Variants in NBEA observed in about 807,000 individuals in gnomAD.
NBEA encodes the protein neurobeachin.
Under a neutral mutation model 343.4 loss-of-function variants are expected in NBEA, and 44 were observed. The ratio of observed to expected loss-of-function variants is 0.13; its 90% CI spans 0.10 to 0.16. The LOEUF is 0.16. Ranked by LOEUF, NBEA falls within the 10% of genes least tolerant of loss-of-function variation. NBEA has a pLI of 1.00. For synonymous variants in NBEA, 1,175 were observed against 1,238.7 expected (o/e 0.95, Z 1.08); for missense variants, 2,555 against 3,631.3 (o/e 0.70, Z 7.62).
chr13:35,098,916 A>G (rs765778071), intron 11 of NBEA, among the ~76,000 whole-genome samples: 8 of 151,830 alleles, frequency 5.3e-5, no homozygotes, highest in Admixed American at 6.6e-5. Flanking sequence ...TAGCTATCTC[A>G]GTTCTCGGAC....
intron 17 of NBEA, among the ~76,000 whole-genome samples, chr13:35,137,172 C>G (rs749016565): frequency 6.6e-6 from 1 of 151,954 alleles, no homozygotes; most frequent in Admixed American, 6.6e-5. Flanking sequence ...GCCCTTTGGC[C>G]GGGCACGGTG....
At chr13:35,077,866 G>A (rs1464611504) in intron 10 of NBEA, among the ~76,000 whole-genome samples, 1 of 152,070 alleles carries the variant, frequency 6.6e-6, no homozygotes, top group Non-Finnish European at 1.5e-5. Flanking sequence ...AAGGACAAAG[G>A]GTGGAAAATG....
intron 38 of NBEA, among the ~76,000 whole-genome samples, chr13:35,420,907 A>T (rs1452995492): frequency 6.6e-6 from 1 of 151,240 alleles, no homozygotes; most frequent in Non-Finnish European, 1.5e-5. Flanking sequence ...GTCTTTTTAG[A>T]GGTGTGTCAG....
chr13:35,336,088 C>G (rs181319164), intron 36 of NBEA, among the ~76,000 whole-genome samples: 6 of 152,180 alleles, frequency 3.9e-5, no homozygotes, highest in African/African-American at 1.4e-4. Context: ...CAATTATTAG[C>G]TGACCACTAA....
intron 33 of NBEA, among the ~76,000 whole-genome samples, chr13:35,227,834 G>C (rs1593837284): frequency 6.6e-6 from 1 of 151,828 alleles, no homozygotes; most frequent in South Asian, 2.1e-4. Context: ...TGTATGTAGG[G>C]CCCTAAATAA....
chr13:35,001,031 G>A lies in NBEA; in HGVS notation c.295-39902G>A, dbSNP rs79730779. Among the ~76,000 whole-genome samples, 1,474 of 152,044 alleles carry A rather than the reference G, an allele frequency of 9.7e-3. 19 individuals carry two copies. Among genetic ancestry groups the A allele is most frequent in the African/African-American group, 0.034 (1,421 of 41,466 alleles). ...TTCTGAGGTTGAACTTGAACTCCTG[G>A]ACTCAGGTGATCCTCTCATCTCAGC... On this transcript the variant is annotated intron_variant, in intron 1 of 58. Transcript: ENST00000379939.
intron 33 of NBEA, among the ~76,000 whole-genome samples, chr13:35,214,633 C>A (rs773293660): frequency 2.0e-5 from 3 of 151,464 alleles, no homozygotes; most frequent in Non-Finnish European, 4.4e-5. Context: ...TTTTTTGTTC[C>A]ATTTTGTTGT....
intron 47 of NBEA, among the ~76,000 whole-genome samples, chr13:35,599,167 A>G (rs1194693737): frequency 6.6e-6 from 1 of 152,096 alleles, no homozygotes; most frequent in East Asian, 1.9e-4. Context: ...TCCAGACCCC[A>G]CCAGGCTCCT....
rs1418682725 is a variant in NBEA at position 35,667,587 on chromosome 13, C to T, written c.8661+17C>T. ...TCAACACGGGTAAATCTGCATAGTT[C>T]GTGCTAAGTAGGACTGAAGCCAAGA... On this transcript the variant is annotated intron_variant, in intron 57 of 58. Coordinates refer to ENST00000379939, the MANE Select transcript of NBEA (RefSeq NM_001385012.1). 18 of 1,608,208 alleles carry T rather than the reference C, an allele frequency of 1.1e-5. No homozygotes were observed. The highest frequency in any genetic ancestry group is 3.3e-4 in the Middle Eastern group (2 of 6,062).
chr13:35,251,257 T>C, intron 34 of NBEA: 1 of 360,000 alleles, frequency 2.8e-6, no homozygotes, highest in South Asian at 5.4e-5. Context: ...AACCATGCAG[T>C]ATGCCAGTCG....
At chr13:35,523,503 C>G (rs2077818999) in intron 41 of NBEA, among the ~76,000 whole-genome samples, 1 of 152,144 alleles carries the variant, frequency 6.6e-6, no homozygotes, top group Non-Finnish European at 1.5e-5. Flanking sequence ...TATGAGCAGT[C>G]TGGGCTGGAC....
Position 35,362,446 on chromosome 13 carries a change from A to G in NBEA, c.6179+10123A>G, listed in dbSNP as rs2040861244. Among the ~76,000 whole-genome samples the G allele has an allele frequency of 4.6e-5, 7 of 151,952 alleles. No homozygotes were observed. In the South Asian group the frequency reaches 1.4e-3, roughly 31 times the overall value. On this transcript the variant is annotated intron_variant, in intron 38 of 58. Transcript: ENST00000379939. ...TAAGATGAGAAAATAAACTTTTCCCAGCAATTTTTATATAATATAAAATGT... is the reference window on the plus strand; with the variant it reads ...TAAGATGAGAAAATAAACTTTTCCCGGCAATTTTTATATAATATAAAATGT...
intron 31 of NBEA, among the ~76,000 whole-genome samples, chr13:35,207,467 A>G (rs151183412): frequency 1.3e-5 from 2 of 152,256 alleles, no homozygotes; most frequent in Admixed American, 1.3e-4. Context: ...GTGATGGTTG[A>G]GTAAGGTTTG....
At position 34,943,102 on chromosome 13, in the gene NBEA, G is replaced by A. The variant is rs201561325; in HGVS notation, c.282G>A (p.Thr94=). Residue 94 remains threonine (T), a synonymous_variant, in exon 1 of 59, where the codon ACG becomes ACA. Transcript: ENST00000379939. The stretch of plus-strand genomic sequence containing the variant: ...TCAGCAACAGGGACATCGTGGAGAC[G>A]GTGCTCAACCTGGTAAGGAAAAGGC... ...GEVSNRDIVE[T]VLNLLVGGEF... is the part of the protein sequence containing the mutation. 4,925 of 1,613,334 alleles carry A rather than the reference G, an allele frequency of 3.1e-3. 10 individuals carry two copies. The highest frequency in any genetic ancestry group is 3.6e-3 in the Non-Finnish European group (4,287 of 1,179,696).
At chr13:35,560,320 T>TA (rs1489982270) in intron 44 of NBEA, among the ~76,000 whole-genome samples, 4 of 152,194 alleles carry the variant, frequency 2.6e-5, no homozygotes, top group Non-Finnish European at 5.9e-5. Context: ...TTTTAAAACC[T>TA]AAATAATTAA....
At chr13:35,345,788 G>A (rs1272063920) in intron 36 of NBEA, among the ~76,000 whole-genome samples, 1 of 152,204 alleles carries the variant, frequency 6.6e-6, no homozygotes, top group East Asian at 1.9e-4. Context: ...AAGGATAGGA[G>A]ATCATGATCT....
intron 16 of NBEA, among the ~76,000 whole-genome samples, chr13:35,119,526 G>A (rs992371823): frequency 9.9e-5 from 15 of 152,060 alleles, no homozygotes; most frequent in African/African-American, 3.1e-4. Flanking sequence ...ATAATTCATA[G>A]GGCTGCCAAT....
chr13:35,415,389 C>A (rs1055792073), intron 38 of NBEA, among the ~76,000 whole-genome samples: 8 of 152,142 alleles, frequency 5.3e-5, no homozygotes, highest in African/African-American at 1.9e-4. Context: ...AGTCTTTAAT[C>A]CATCTTGAAT....
chr13:35,631,638 T>TAAAAAAAAAAAAAAAAAAAAAAAA (rs59333937), intron 49 of NBEA, among the ~76,000 whole-genome samples: 8 of 126,486 alleles, frequency 6.3e-5, no homozygotes, highest in African/African-American at 2.5e-4. Flanking sequence ...GTCTCCTTTG[T>TAAAAAAAAAAAAAAAAAAAAAAAA]AAAAAAAAAA....
Sources: gnomAD v4.1 joint callset for allele counts (sites outside exome capture counted in the v4.1 genomes callset) on GRCh38, gnomAD v4.1.1 for gene constraint, MANE v1.5 for transcripts, NCBI Gene and HGNC (gene_info 2026-07-23, HGNC 2026-07-21) for gene names.